The following CHST6 variants were observed in gnomAD, a reference collection of about 807,000 sequenced individuals.
CHST6 encodes the protein carbohydrate sulfotransferase 6.
For missense variants in CHST6, 698 were observed against 586.2 expected (o/e 1.19, Z -1.97); for synonymous variants, 309 against 276.4 (o/e 1.12, Z -1.17).
chr16:75,480,467 A>C (rs1291487733), intron 2 of CHST6, among the ~76,000 whole-genome samples: 1 of 152,250 alleles, frequency 6.6e-6, no homozygotes, highest in African/African-American at 2.4e-5. Flanking sequence ...GATTATTGGA[A>C]AATGGGAACA....
intron 1 of CHST6, among the ~76,000 whole-genome samples, chr16:75,492,262 G>T (rs1221116157): frequency 6.6e-6 from 1 of 152,200 alleles, no homozygotes; most frequent in African/African-American, 2.4e-5. Flanking sequence ...GATTCTCACA[G>T]GGCACTTCAA....
rs1177866154 is a variant in CHST6, at chr16:75,478,925, A to G, written c.904T>C (p.Trp302Arg). ...GLSLTPQLEA[W>R]IHNITHGSGP... Reference sequence around the variant, plus strand: ...GATCCGTGGGTGATGTTATGGATCCAGGCCTCGAGCTGTGGCGTGAGACTG... The same window carrying G: ...GATCCGTGGGTGATGTTATGGATCCGGGCCTCGAGCTGTGGCGTGAGACTG... The change falls in exon 3 of 3, where the codon TGG becomes CGG. Residue 302 changes from tryptophan (W) to arginine (R), a missense_variant. Transcript: ENST00000332272. The G allele has an allele frequency of 1.2e-6, 2 of 1,613,178 alleles. No individual in the cohort carries two copies. Among genetic ancestry groups the G allele is most frequent in the Non-Finnish European group, 1.7e-6 (2 of 1,179,960 alleles).
rs1343662161 is a variant in CHST6, at chr16:75,478,110, C to T, written c.*531G>A. 5.4e-6 allele frequency: 1 copy of T among 186,340 alleles called. No individual in the cohort carries two copies. Among genetic ancestry groups the T allele is most frequent in the African/African-American group, 2.4e-5 (1 of 42,262 alleles). The allele number at this position is 186,340 out of a possible 1,614,324, so 11.5% of individuals were successfully genotyped here. On this transcript the variant is annotated 3_prime_UTR_variant, in exon 3 of 3. Coordinates refer to ENST00000332272, the MANE Select transcript of CHST6 (RefSeq NM_021615.5). ...CAGGAGGCAGGTCCTCTCCTATCCA[C>T]TGGAGACCCAGAGCAAAAGCTCTCT...
At chr16:75,487,538 C>T (rs550660692) in intron 1 of CHST6, among the ~76,000 whole-genome samples, 8 of 152,150 alleles carry the variant, frequency 5.3e-5, no homozygotes, top group South Asian at 2.1e-4. Context: ...TGGTGGCTCA[C>T]GCCTGTAATC....
chr16:75,489,922 A>G (rs533763125), intron 1 of CHST6, among the ~76,000 whole-genome samples: 57 of 152,232 alleles, frequency 3.7e-4, no homozygotes, highest in Non-Finnish European at 6.8e-4. Context: ...CATGCCTGTA[A>G]TCCCAGCACT....
intron 1 of CHST6, among the ~76,000 whole-genome samples, chr16:75,493,277 G>A (rs1467601688): frequency 2.0e-5 from 3 of 152,180 alleles, no homozygotes; most frequent in East Asian, 3.9e-4. Flanking sequence ...TTGCGAGGCT[G>A]AGGAGGGCGG....
Position 75,491,173 on chromosome 16 carries a change from AAAAAAAAAAAAAAAAAAATATAT to A in CHST6, c.-92+3744_-92+3766del, listed in dbSNP as rs1406499692. ...AGAGTGAAACTCCGTCTTAAAAAAAAAAAAAAAAAAAAAAAAAATATATATATATATATATATATATATATAAA... is the reference window on the plus strand; with the variant it reads ...AGAGTGAAACTCCGTCTTAAAAAAAAATATATATATATATATATATATAAA... On this transcript the variant is annotated intron_variant, in intron 1 of 2. Coordinates refer to ENST00000332272, the MANE Select transcript of CHST6 (RefSeq NM_021615.5). Among the ~76,000 whole-genome samples, 19 of 80,202 alleles carry A rather than the reference AAAAAAAAAAAAAAAAAAATATAT, an allele frequency of 2.4e-4. 1 individual carries two copies. The highest frequency in any genetic ancestry group is 5.3e-4 in the South Asian group (1 of 1,874). The allele number at this position is 80,202 out of a possible 152,430, so 52.6% of individuals were successfully genotyped here.
At chr16:75,490,944 T>C (rs2151673389) in intron 1 of CHST6, among the ~76,000 whole-genome samples, 1 of 151,946 alleles carries the variant, frequency 6.6e-6, no homozygotes, top group East Asian at 1.9e-4. Context: ...AAAGTACTGA[T>C]ATATACAAAG....
chr16:75,487,758 C>T (rs2080215462), intron 1 of CHST6, among the ~76,000 whole-genome samples: 1 of 147,670 alleles, frequency 6.8e-6, no homozygotes, highest in South Asian at 2.1e-4. Context: ...GAGATCGTGC[C>T]ACTGCACTCC....
rs1401005450 is a variant in CHST6, at chr16:75,481,864, T to C, written c.-64A>G. The stretch of plus-strand genomic sequence containing the variant: ...AGCTGCAACGCTGATCACAAATCCA[T>C]GGGAGATGATTAGAGGTTCCTCAGC... On this transcript the variant is annotated 5_prime_UTR_variant, in exon 2 of 3. The change abolishes an upstream ATG in the 5' untranslated region. Coordinates refer to ENST00000332272, the MANE Select transcript of CHST6 (RefSeq NM_021615.5). 2.4e-5 allele frequency: 14 copies of C among 574,830 alleles called. No individual in the cohort carries two copies. The Admixed American group carries it at 3.3e-4, about 13-fold the overall frequency. 35.6% of individuals were successfully genotyped at this position (574,830 alleles called of 1,614,324 possible). A position where few individuals can be genotyped will look rare whatever the true frequency, so the allele number is the denominator to read the frequency against.
intron 1 of CHST6, among the ~76,000 whole-genome samples, chr16:75,494,168 G>A (rs901106817): frequency 6.6e-6 from 1 of 152,146 alleles, no homozygotes; most frequent in South Asian, 2.1e-4. Flanking sequence ...TTCTGAAGCC[G>A]GATTGGGTTC....
At position 75,478,301 on chromosome 16, in the gene CHST6, G is replaced by C; in HGVS notation, c.*340C>G. 1 of 390,994 alleles carries C rather than the reference G, an allele frequency of 2.6e-6. No homozygotes were observed. Among genetic ancestry groups the C allele is most frequent in the Non-Finnish European group, 4.8e-6 (1 of 207,340 alleles). 24.2% of individuals were successfully genotyped at this position (390,994 alleles called of 1,614,324 possible). A position where few individuals can be genotyped will look rare whatever the true frequency, so the allele number is the denominator to read the frequency against. On this transcript the variant is annotated 3_prime_UTR_variant, in exon 3 of 3. Transcript: ENST00000332272. ...CCAGTGCCAGGGCACCCCCTCAGCT[G>C]CTGCAGGATGTGTCACCAGAAGGAG...
chr16:75,493,168 C>G (rs2080273912), intron 1 of CHST6, among the ~76,000 whole-genome samples: 1 of 151,946 alleles, frequency 6.6e-6, no homozygotes, highest in Non-Finnish European at 1.5e-5. Flanking sequence ...TGACCATTTA[C>G]TGAGCGATCT....
At chr16:75,493,180 G>T (rs1670059484) in intron 1 of CHST6, among the ~76,000 whole-genome samples, 2 of 151,896 alleles carry the variant, frequency 1.3e-5, no homozygotes, top group East Asian at 1.9e-4. Context: ...GAGCGATCTT[G>T]TGCAAGTTAC....
Position 75,479,034 on chromosome 16 carries a change from G to A in CHST6, c.795C>T (p.Arg265=), listed in dbSNP as rs760368240. 6.2e-7 allele frequency: 1 copy of A among 1,609,446 alleles called. No homozygotes were observed. The highest frequency in any genetic ancestry group is 8.5e-7 in the Non-Finnish European group (1 of 1,179,796). The change falls in exon 3 of 3, where the codon CGC becomes CGT. Residue 265 remains arginine, a synonymous_variant. Transcript: ENST00000332272. ...CGAAGCGCACCAGGCGGTAGCGGCC[G>A]CGCAGAAAGGGTGGCGGCTTGAGTG... ...AATLKPPPFL[R]GRYRLVRFED... is the part of the protein sequence containing the mutation.
rs779619694 is a variant in CHST6, at chr16:75,479,261, C to G, written c.568G>C (p.Asp190His). ...NLQVLYPLLS[D>H]PALNLRIVHL... ...ACGATGCGTAGGTTGAGCGCGGGGT[C>G]GCTGAGCAGCGGGTAGAGCACCTGC... The change falls in exon 3 of 3, where the codon GAC becomes CAC. Residue 190 changes from aspartate to histidine, a missense_variant. Asp to His is a moderately conservative substitution (Grantham distance 81). Transcript: ENST00000332272. 1 of 1,612,590 alleles carries G rather than the reference C, an allele frequency of 6.2e-7. No homozygotes were observed. The highest frequency in any genetic ancestry group is 8.5e-7 in the Non-Finnish European group (1 of 1,179,764).
chr16:75,489,636 G>A (rs1209152851), intron 1 of CHST6, among the ~76,000 whole-genome samples: 2 of 151,874 alleles, frequency 1.3e-5, no homozygotes, highest in African/African-American at 2.4e-5. Flanking sequence ...AAAAATACAC[G>A]AATATCAAAG....
chr16:75,494,637 A>C (rs2080290217), intron 1 of CHST6, among the ~76,000 whole-genome samples: 1 of 152,218 alleles, frequency 6.6e-6, no homozygotes, highest in African/African-American at 2.4e-5. Flanking sequence ...TCTATGGAAA[A>C]AGCCCTTGGA....
chr16:75,474,308 T>G lies in CHST6; in HGVS notation c.*4333A>C, dbSNP rs543042172. ...ATTTATTTAGAGATAGGTGTCTTGC[T>G]CTGTCACTCAGGCTGGAGTGCACTG... On this transcript the variant is annotated 3_prime_UTR_variant, in exon 3 of 3. Coordinates refer to ENST00000332272, the MANE Select transcript of CHST6 (RefSeq NM_021615.5). 3.6e-5 allele frequency: 12 copies of G among 331,854 alleles called. No individual in the cohort carries two copies. In the South Asian group the frequency reaches 1.7e-3, roughly 48 times the overall value. The allele number at this position is 331,854 out of a possible 1,614,324, so 20.6% of individuals were successfully genotyped here. A position where few individuals can be genotyped will look rare whatever the true frequency, so the allele number is the denominator to read the frequency against.
Sources: allele counts gnomAD v4.1 joint callset (sites outside exome capture counted in the v4.1 genomes callset), GRCh38; gene constraint gnomAD v4.1.1; transcripts MANE v1.5; gene names NCBI Gene and HGNC (gene_info 2026-07-23, HGNC 2026-07-21).